CD200: variants seen among roughly 807,000 people sequenced by gnomAD.
CD200 encodes the protein OX-2 membrane glycoprotein.
CD200 carries 15 observed loss-of-function variants against 30.9 expected under a neutral mutation model. The ratio of observed to expected loss-of-function variants is 0.49; its 90% confidence interval spans 0.32 to 0.75. The LOEUF (loss-of-function observed/expected upper bound fraction) is 0.75. CD200 is among the 30% of genes least tolerant of loss of function. The pLI is 0.03. For synonymous variants in CD200, 134 were observed against 126.2 expected (o/e 1.06, Z -0.41); for missense variants, 262 against 324.2 (o/e 0.81, Z 1.47).
At position 112,340,918 on chromosome 3, in the gene CD200, T is replaced by C. The variant is rs544969671; in HGVS notation, c.29T>C (p.Phe10Ser). The change falls in exon 2 of 6, where the codon TTC becomes TCC. Residue 10 changes from phenylalanine to serine, a missense_variant. Transcript: ENST00000315711. ...TGTCTTCAGGTGATCAGGATGCCCT[T>C]CTCTCATCTGTCTACCTACAGCCTG... MERLVIRMP[F>S]SHLSTYSLVW... The C allele has an allele frequency of 3.8e-5, 61 of 1,607,690 alleles. No individual in the cohort carries two copies. In the South Asian group the frequency reaches 6.6e-4, roughly 17 times the overall value.
At chr3:112,341,086 C>A in intron 2 of CD200, 103 bp downstream of exon 2, 3 of 700,360 alleles carry the variant, frequency 4.3e-6, no homozygotes, top group South Asian at 2.0e-5. Flanking sequence ...CATTTGTCTG[C>A]ATGAATTATT....
chr3:112,346,797 A>G (rs1029113172), intron 3 of CD200, among the ~76,000 whole-genome samples: 4 of 152,236 alleles, frequency 2.6e-5, no homozygotes, highest in African/African-American at 9.6e-5. Context: ...GAAAAATTCT[A>G]TATTCCAACA....
At chr3:112,342,639 T>G (rs2081294909) in intron 2 of CD200, among the ~76,000 whole-genome samples, 1 of 151,916 alleles carries the variant, frequency 6.6e-6, no homozygotes, top group Non-Finnish European at 1.5e-5. Context: ...GCCAGGTTGG[T>G]CTCAAACTCC....
chr3:112,351,531 G>A (rs2081531297), intron 5 of CD200, among the ~76,000 whole-genome samples: 1 of 152,126 alleles, frequency 6.6e-6, no homozygotes, highest in South Asian at 2.1e-4. Context: ...GATTCTTGAA[G>A]CAAAAAGAAT....
At chr3:112,332,962 G>C (rs2081028690), upstream of CD200, 1 of 557,746 alleles carries the variant, frequency 1.8e-6, no homozygotes. Flanking sequence ...TTTCCCCAGC[G>C]GTCACCTTTG....
chr3:112,343,602 T>C (rs4582023), intron 2 of CD200, among the ~76,000 whole-genome samples: 20,589 of 152,182 alleles, frequency 0.14, 1,833 homozygotes, highest in South Asian at 0.27. Flanking sequence ...CTGTACCTGG[T>C]AGTTTTTCAA....
Position 112,336,354 on chromosome 3 carries a change from G to A in CD200, c.12+3130G>A, listed in dbSNP as rs183082557. Among the ~76,000 whole-genome samples the A allele has an allele frequency of 3.4e-4, 52 of 151,928 alleles. 1 individual carries two copies. The highest frequency in any genetic ancestry group is 1.3e-3 in the African/African-American group (52 of 41,436). ...TCCTTGAGAACTCCATTCCCGACCC[G>A]CTGCTCCTGAGCCCACAGGAAGAAG... is the stretch of plus-strand genomic sequence containing the variant. On this transcript the variant is annotated intron_variant, in intron 1 of 5. Transcript: ENST00000315711.
intron 2 of CD200, among the ~76,000 whole-genome samples, chr3:112,342,516 G>A (rs1057056632): frequency 7.3e-5 from 11 of 150,936 alleles, no homozygotes; most frequent in African/African-American, 1.5e-4. Context: ...TCTGCCTCTC[G>A]GGTTCAAGCA....
chr3:112,334,333 T>G (rs1232581176), intron 1 of CD200: 1 of 726,324 alleles, frequency 1.4e-6, no homozygotes, highest in Non-Finnish European at 1.7e-6. Context: ...AACCCTGGAC[T>G]GCATGGCAAG....
In CD200 at chr3:112,342,321, CTTTCTTTCTTTCTTTCCTTCT is replaced by C. The variant is rs1559782979; in HGVS notation, c.94+1341_94+1361del. Among the ~76,000 whole-genome samples, 90 of 22,686 alleles carry C rather than the reference CTTTCTTTCTTTCTTTCCTTCT, an allele frequency of 4.0e-3. 6 individuals carry two copies. Among genetic ancestry groups the C allele is most frequent in the Middle Eastern group, 0.033 (1 of 30 alleles). 14.9% of individuals were successfully genotyped at this position (22,686 alleles called of 152,430 possible). On this transcript the variant is annotated intron_variant, in intron 2 of 5. Transcript: ENST00000315711. Reference sequence around the variant, plus strand: ...TCCTTCCTTCCTTTCTTCTTTCTTTCTTTCTTTCTTTCTTTCCTTCTTTCTTTCTTTCTTTCTTTCTTTCTT... The same window carrying C: ...TCCTTCCTTCCTTTCTTCTTTCTTTCTTCTTTCTTTCTTTCTTTCTTTCTT...
intron 5 of CD200, among the ~76,000 whole-genome samples, chr3:112,356,081 ATG>A (rs1477376441): frequency 2.0e-5 from 3 of 152,196 alleles, no homozygotes; most frequent in Non-Finnish European, 4.4e-5. Flanking sequence ...AAATTTATCA[ATG>A]AGAGGCTATT....
rs371213640 is a variant in CD200, at chr3:112,361,579, T to A, written c.*29T>A. 2.9e-5 allele frequency: 47 copies of A among 1,598,408 alleles called. No homozygotes were observed. In the African/African-American group the frequency reaches 4.2e-4, roughly 14 times the overall value. ...AGTCACACAGCACCCTGAAAGTGAT[T>A]CCCTGGTCTACTTGAATTTGACACA... On this transcript the variant is annotated 3_prime_UTR_variant, in exon 6 of 6. Coordinates refer to ENST00000315711, the MANE Select transcript of CD200 (RefSeq NM_005944.7).
chr3:112,356,109 G>A (rs893256551), intron 5 of CD200, among the ~76,000 whole-genome samples: 2 of 152,082 alleles, frequency 1.3e-5, no homozygotes, highest in Admixed American at 1.3e-4. Context: ...AGAGCCTCTT[G>A]CCCCTCTCAG....
At position 112,333,189 on chromosome 3, in the gene CD200, TCG is replaced by T. The variant is rs1166703611; in HGVS notation, c.-16_-15del. On this transcript the variant is annotated 5_prime_UTR_variant, in exon 1 of 6. Coordinates refer to ENST00000315711, the MANE Select transcript of CD200 (RefSeq NM_005944.7). ...AGGCGCACATCCGCAGTCAGCCACCTCGCGCGCGCCTCCAGGAGCAAGGATGG... is the reference window on the plus strand; with the variant it reads ...AGGCGCACATCCGCAGTCAGCCACCTCGCGCGCCTCCAGGAGCAAGGATGG... The T allele has an allele frequency of 1.9e-6, 3 of 1,549,362 alleles. No homozygotes were observed. In the African/African-American group the frequency reaches 4.1e-5, roughly 21 times the overall value.
chr3:112,347,926 A>G, intron 4 of CD200, 96 bp downstream of exon 4: 1 of 1,106,360 alleles, frequency 9.0e-7, no homozygotes, highest in Non-Finnish European at 1.3e-6. Flanking sequence ...CTCTTAGCAT[A>G]ATCTATTTGG....
At chr3:112,344,822 A>T (rs1326773938) in intron 2 of CD200, 140 bp from the exon 3 acceptor site, 3 of 646,380 alleles carry the variant, frequency 4.6e-6, no homozygotes, top group Non-Finnish European at 7.9e-6. Flanking sequence ...ATCACGTAGG[A>T]ATGTAAATAA....
At chr3:112,353,672 A>G (rs1241814344) in intron 5 of CD200, among the ~76,000 whole-genome samples, 2 of 152,200 alleles carry the variant, frequency 1.3e-5, no homozygotes, top group Admixed American at 6.5e-5. Flanking sequence ...TTGAAAGGGG[A>G]AAACAAAAAA....
intron 1 of CD200, among the ~76,000 whole-genome samples, chr3:112,336,246 G>T (rs2081113163): frequency 6.6e-6 from 1 of 152,092 alleles, no homozygotes; most frequent in African/African-American, 2.4e-5. Flanking sequence ...CATTGAGTAG[G>T]AGGATATTAA....
chr3:112,348,552 G>C (rs1045346954), intron 4 of CD200, among the ~76,000 whole-genome samples: 4 of 152,174 alleles, frequency 2.6e-5, no homozygotes, highest in African/African-American at 9.7e-5. Context: ...AGAAGTTTTA[G>C]CAATAATAGC....
Sources: gnomAD v4.1 joint callset for allele counts (sites outside exome capture counted in the v4.1 genomes callset) on GRCh38, gnomAD v4.1.1 for gene constraint, MANE v1.5 for transcripts, NCBI Gene and HGNC (gene_info 2026-07-23, HGNC 2026-07-21) for gene names.